OTUD7A: variants seen among roughly 807,000 people sequenced by gnomAD.
The protein encoded by OTUD7A is OTU domain-containing protein 7A.
OTUD7A carries 12 observed loss-of-function variants against 65.7 expected under a neutral mutation model. That is an observed-to-expected ratio of 0.18 (90% CI 0.12 to 0.30). The LOEUF (loss-of-function observed/expected upper bound fraction) is 0.30. Ranked by LOEUF, OTUD7A falls within the 10% of genes least tolerant of loss-of-function variation. The pLI is 1.00. For synonymous variants in OTUD7A, 641 were observed against 586.3 expected (o/e 1.09, Z -1.35); for missense variants, 1,148 against 1,304.8 (o/e 0.88, Z 1.85).
chr15:31,765,995 C>T, intron 1 of OTUD7A: 1 of 1,543,730 alleles, frequency 6.5e-7, no homozygotes, highest in Admixed American at 1.7e-5. Context: ...GCTCATCAAA[C>T]TCCTGAGCAC....
At chr15:31,592,879 C>CAAATA (rs1453670641) in intron 3 of OTUD7A, among the ~76,000 whole-genome samples, 3 of 8,518 alleles carry the variant, frequency 3.5e-4, no homozygotes, top group South Asian at 8.6e-3. Context: ...GGCTCTGTCT[C>CAAATA]AAAAAAAAAA....
intron 5 of OTUD7A, among the ~76,000 whole-genome samples, chr15:31,532,318 G>A (rs947371391): frequency 6.6e-6 from 1 of 152,072 alleles, no homozygotes; most frequent in African/African-American, 2.4e-5. Context: ...TAAAGAAATA[G>A]AAAGTCTTAC....
rs1298041668 is a variant in OTUD7A at position 31,719,673 on chromosome 15, G to A, written c.-99-62596C>T. ...CTTCTGGTTTTCAAACACCAGCCAC[G>A]GTGATCTTGTTAAACTGAACTGGAT... is the stretch of plus-strand genomic sequence containing the variant. On this transcript the variant is annotated intron_variant, in intron 1 of 12. Coordinates refer to ENST00000307050, the MANE Select transcript of OTUD7A (RefSeq NM_001382637.1). Among the ~76,000 whole-genome samples the A allele has an allele frequency of 3.9e-5, 6 of 152,046 alleles. 1 individual carries two copies. Among genetic ancestry groups the A allele is most frequent in the Admixed American group, 3.3e-4 (5 of 15,252 alleles).
chr15:31,832,612 C>A (rs921173210), intron 1 of OTUD7A, among the ~76,000 whole-genome samples: 1 of 152,144 alleles, frequency 6.6e-6, no homozygotes, highest in African/African-American at 2.4e-5. Flanking sequence ...CACATTACCC[C>A]CCTCATCCCT....
At position 31,479,105 on chromosome 15, in the gene OTUD7A, A is replaced by C. The variant is rs1388046530; in HGVS notation, c.*4189T>G. The C allele has an allele frequency of 6.6e-6, 1 of 152,174 alleles. No homozygotes were observed. The highest frequency in any genetic ancestry group is 1.5e-5 in the Non-Finnish European group (1 of 68,094). The allele number at this position is 152,174 out of a possible 1,614,324, so 9.4% of individuals were successfully genotyped here. On this transcript the variant is annotated 3_prime_UTR_variant, in exon 13 of 13. Transcript: ENST00000307050. ...AAGGTGGTGCCTCAGATCTCTAGAG[A>C]GCCACCACTTTAAGGCGTTTTGGAA...
intron 1 of OTUD7A, among the ~76,000 whole-genome samples, chr15:31,719,767 C>A (rs923759707): frequency 6.6e-6 from 1 of 152,232 alleles, no homozygotes; most frequent in Non-Finnish European, 1.5e-5. Context: ...AGTCCTACCA[C>A]ATCTTACAAT....
At chr15:31,767,778 G>A (rs1460692003) in intron 1 of OTUD7A, 11 of 714,970 alleles carry the variant, frequency 1.5e-5, no homozygotes, top group Middle Eastern at 7.4e-4. Context: ...GCAGTTCTAC[G>A]AGATAAGTTT....
chr15:31,670,303 G>T (rs1438670024), intron 1 of OTUD7A, among the ~76,000 whole-genome samples: 2 of 152,136 alleles, frequency 1.3e-5, no homozygotes, highest in Non-Finnish European at 2.9e-5. Context: ...TATAGTAATG[G>T]GATTGCCGGG....
Position 31,481,554 on chromosome 15 carries a change from T to A in OTUD7A, c.*1740A>T. 6.6e-6 allele frequency: 1 copy of A among 152,284 alleles called. No individual in the cohort carries two copies. The highest frequency in any genetic ancestry group is 2.1e-4 in the South Asian group (1 of 4,822). 9.4% of individuals were successfully genotyped at this position (152,284 alleles called of 1,614,324 possible). ...TTGTTCAGCAGGAAAAGTAAAACTT[T>A]CAAAAAATTTCTTAAAGATCCTATT... On this transcript the variant is annotated 3_prime_UTR_variant, in exon 13 of 13. Coordinates refer to ENST00000307050, the MANE Select transcript of OTUD7A (RefSeq NM_001382637.1).
chr15:31,569,262 A>G (rs1163961320), intron 4 of OTUD7A, among the ~76,000 whole-genome samples: 2 of 152,248 alleles, frequency 1.3e-5, no homozygotes, highest in Non-Finnish European at 2.9e-5. Flanking sequence ...CATTGCTTTC[A>G]GTGGCAATTA....
intron 1 of OTUD7A, among the ~76,000 whole-genome samples, chr15:31,842,900 G>A (rs979824645): frequency 6.6e-6 from 1 of 152,138 alleles, no homozygotes. Flanking sequence ...ATGCCAGTGT[G>A]ACATGCATCC....
chr15:31,816,649 G>A (rs938555436), intron 1 of OTUD7A, among the ~76,000 whole-genome samples: 4 of 151,668 alleles, frequency 2.6e-5, no homozygotes, highest in Non-Finnish European at 5.9e-5. Flanking sequence ...AGCTGAGATC[G>A]TGCACTCCAG....
intron 3 of OTUD7A, among the ~76,000 whole-genome samples, chr15:31,647,755 A>C (rs1279157538): frequency 6.6e-6 from 1 of 151,994 alleles, no homozygotes; most frequent in African/African-American, 2.4e-5. Flanking sequence ...AGATCACTCT[A>C]CTGAGGGACT....
intron 10 of OTUD7A, among the ~76,000 whole-genome samples, chr15:31,492,373 G>A (rs2041328070): frequency 6.6e-6 from 1 of 152,188 alleles, no homozygotes; most frequent in African/African-American, 2.4e-5. Context: ...GAGGTCAGGA[G>A]TTCAAGATCA....
At chr15:31,496,183 T>C (rs1355824867) in intron 10 of OTUD7A, among the ~76,000 whole-genome samples, 2 of 151,994 alleles carry the variant, frequency 1.3e-5, no homozygotes, top group East Asian at 1.9e-4. Context: ...TTTATTCAGA[T>C]AGGTACACAA....
chr15:31,828,496 C>T (rs183416235), intron 1 of OTUD7A, among the ~76,000 whole-genome samples: 7 of 152,294 alleles, frequency 4.6e-5, no homozygotes, highest in Admixed American at 3.9e-4. Context: ...GTATATTGTA[C>T]AGTAGGATAA....
At chr15:31,817,981 T>A (rs1301899781) in intron 1 of OTUD7A, among the ~76,000 whole-genome samples, 1 of 152,162 alleles carries the variant, frequency 6.6e-6, no homozygotes, top group Non-Finnish European at 1.5e-5. Context: ...AAGAGAGCCG[T>A]CAGAGAGCTG....
In OTUD7A at chr15:31,483,522, G is replaced by A; in HGVS notation, c.2574C>T (p.Tyr858=). The part of the protein sequence containing the change: ...AGAAEHKSQT[Y]TNGFGALRDG... ...CGCGCAGGGCGCCGAAGCCGTTGGT[G>A]TAGGTCTGCGACTTGTGCTCGGCCG... Residue 858 remains tyrosine (Y), a synonymous_variant, in exon 13 of 13, where the codon TAC becomes TAT. Transcript: ENST00000307050. The A allele has an allele frequency of 7.2e-7, 1 of 1,389,508 alleles. No homozygotes were observed. The highest frequency in any genetic ancestry group is 9.4e-7 in the Non-Finnish European group (1 of 1,068,836). 86.1% of individuals were successfully genotyped at this position (1,389,508 alleles called of 1,614,324 possible).
At chr15:31,529,907 AC>A (rs2042063785) in intron 6 of OTUD7A, among the ~76,000 whole-genome samples, 1 of 152,174 alleles carries the variant, frequency 6.6e-6, no homozygotes, top group Non-Finnish European at 1.5e-5. Flanking sequence ...GTAAGAACCA[AC>A]CGGCCCTGAT....
Sources: allele counts gnomAD v4.1 joint callset (sites outside exome capture counted in the v4.1 genomes callset), GRCh38; gene constraint gnomAD v4.1.1; transcripts MANE v1.5; gene names NCBI Gene and HGNC (gene_info 2026-07-23, HGNC 2026-07-21).